The following OR2M4 variants were observed in gnomAD, a reference collection of about 807,000 sequenced individuals.
OR2M4 encodes olfactory receptor family 2 subfamily M member 4, also known as olfactory receptor 2M4.
In OR2M4, 8 loss-of-function variants were observed where a neutral mutation model predicts 13.7. The observed-to-expected ratio is 0.58, with a 90% CI of 0.34 to 1.05. The LOEUF is 1.05. Ranked by LOEUF, OR2M4 falls within the 50% of genes least tolerant of loss-of-function variation. The pLI is 0.02. For missense variants in OR2M4, 374 were observed against 381.6 expected (o/e 0.98, Z 0.17); for synonymous variants, 152 against 141.3 (o/e 1.08, Z -0.53).
At position 248,239,909 on chromosome 1, in the gene OR2M4, T is replaced by C. The variant is rs943006766; in HGVS notation, c.*45T>C. The C allele has an allele frequency of 3.4e-6, 4 of 1,170,284 alleles. No individual in the cohort carries two copies. The highest frequency in any genetic ancestry group is 4.8e-6 in the Non-Finnish European group (4 of 832,414). The allele number at this position is 1,170,284 out of a possible 1,614,324, so 72.5% of individuals were successfully genotyped here. On this transcript the variant is annotated 3_prime_UTR_variant, in exon 2 of 2. Transcript: ENST00000641868. ...AGTGCCTACTGTGGTCAACACTCAT[T>C]CAAAAAAACTGGAATCTCTTAAATT...
rs752777587 is a variant in OR2M4, at chr1:248,239,084, G to C, written c.156G>C (p.Glu52Asp). The C allele has an allele frequency of 1.9e-6, 3 of 1,614,000 alleles. No homozygotes were observed. The South Asian group carries it at 3.3e-5, about 18-fold the overall frequency. Residue 52 changes from glutamate to aspartate, a missense_variant, in exon 2 of 2, where the codon GAG (glutamate) becomes GAC (aspartate). Physicochemically the swap from Glu to Asp is conservative, Grantham distance 45. Transcript: ENST00000641868. ...CCATGGTTCTCCTCATCTACATAGAGAAACAGCTCCACACCCCCATGTACT... is the reference window on the plus strand; with the variant it reads ...CCATGGTTCTCCTCATCTACATAGACAAACAGCTCCACACCCCCATGTACT... ...NISMVLLIYI[E>D]KQLHTPMYFL...
Position 248,241,537 on chromosome 1 carries a change from A to G in OR2M4, c.*1673A>G, listed in dbSNP as rs1395510739. ...ATAATCAAATGTTTTCTAATTTAAAAATGTGCTAGCAAATTTTAAAAATTA... is the reference window on the plus strand; with the variant it reads ...ATAATCAAATGTTTTCTAATTTAAAGATGTGCTAGCAAATTTTAAAAATTA... On this transcript the variant is annotated 3_prime_UTR_variant, in exon 2 of 2. Coordinates refer to ENST00000641868, the MANE Select transcript of OR2M4 (RefSeq NM_017504.2). The G allele has an allele frequency of 6.6e-6, 1 of 152,168 alleles. No homozygotes were observed. Among genetic ancestry groups the G allele is most frequent in the Non-Finnish European group, 1.5e-5 (1 of 68,032 alleles). The allele number at this position is 152,168 out of a possible 1,614,324, so 9.4% of individuals were successfully genotyped here. A position where few individuals can be genotyped will look rare whatever the true frequency, so the allele number is the denominator to read the frequency against.
rs769641315 is a variant in OR2M4, at chr1:248,238,991, T to G, written c.63T>G (p.Ser21Arg). ...TCCTGCTGGGAATCTTCAATCACAG[T>G]CCCACCCACACCTTCCTTTTTTCTC... Reference protein sequence around the residue: ...IFILLGIFNHSPTHTFLFSLV... With the variant: ...IFILLGIFNHRPTHTFLFSLV... Residue 21 changes from serine to arginine, a missense_variant, in exon 2 of 2, where the codon AGT (serine) becomes AGG (arginine). Transcript: ENST00000641868. The G allele has an allele frequency of 6.2e-7, 1 of 1,613,696 alleles. No homozygotes were observed. Among genetic ancestry groups the G allele is most frequent in the Non-Finnish European group, 8.5e-7 (1 of 1,179,808 alleles).
rs1666625135 is a variant in OR2M4, at chr1:248,242,178, T to C, written c.*2314T>C. Reference sequence around the variant, plus strand: ...AATGAATTCAATTTTATTAATTCAATTAATTAAATTTTATAATACAAAACA... The same window carrying C: ...AATGAATTCAATTTTATTAATTCAACTAATTAAATTTTATAATACAAAACA... On this transcript the variant is annotated 3_prime_UTR_variant, in exon 2 of 2. Coordinates refer to ENST00000641868, the MANE Select transcript of OR2M4 (RefSeq NM_017504.2). 1 of 152,228 alleles carries C rather than the reference T, an allele frequency of 6.6e-6. No individual in the cohort carries two copies. The highest frequency in any genetic ancestry group is 2.4e-5 in the African/African-American group (1 of 41,450). The allele number at this position is 152,228 out of a possible 1,614,324, so 9.4% of individuals were successfully genotyped here.
rs1666634364 is a variant in OR2M4 at position 248,243,307 on chromosome 1, G to A, written c.*3443G>A. On this transcript the variant is annotated 3_prime_UTR_variant, in exon 2 of 2. Coordinates refer to ENST00000641868, the MANE Select transcript of OR2M4 (RefSeq NM_017504.2). ...AAGTTTGGGCTGTAATCCAGTAGATGGCGCCTAAGAGTAATGCCCGTAGAG... is the reference window on the plus strand; with the variant it reads ...AAGTTTGGGCTGTAATCCAGTAGATAGCGCCTAAGAGTAATGCCCGTAGAG... 6.6e-6 allele frequency: 1 copy of A among 152,100 alleles called. No homozygotes were observed. The allele number at this position is 152,100 out of a possible 1,614,324, so 9.4% of individuals were successfully genotyped here. A position where few individuals can be genotyped will look rare whatever the true frequency, so the allele number is the denominator to read the frequency against.
rs1445448082 is a variant in OR2M4 at position 248,239,073 on chromosome 1, A to G, written c.145A>G (p.Ile49Val). 1 of 1,613,884 alleles carries G rather than the reference A, an allele frequency of 6.2e-7. No individual in the cohort carries two copies. The highest frequency in any genetic ancestry group is 8.5e-7 in the Non-Finnish European group (1 of 1,179,984). Reference sequence around the variant, plus strand: ...GGAAAATATTTCCATGGTTCTCCTCATCTACATAGAGAAACAGCTCCACAC... The same window carrying G: ...GGAAAATATTTCCATGGTTCTCCTCGTCTACATAGAGAAACAGCTCCACAC... Reference protein sequence around the residue: ...LMENISMVLLIYIEKQLHTPM... With the variant: ...LMENISMVLLVYIEKQLHTPM... Residue 49 changes from isoleucine (I) to valine (V), a missense_variant, in exon 2 of 2, where the codon ATC becomes GTC. By Grantham distance (29) the Ile-to-Val change is conservative. Coordinates refer to ENST00000641868, the MANE Select transcript of OR2M4 (RefSeq NM_017504.2).
At position 248,239,081 on chromosome 1, in the gene OR2M4, A is replaced by T; in HGVS notation, c.153A>T (p.Ile51=). The T allele has an allele frequency of 6.2e-7, 1 of 1,614,040 alleles. No individual in the cohort carries two copies. Among genetic ancestry groups the T allele is most frequent in the Non-Finnish European group, 8.5e-7 (1 of 1,179,998 alleles). Reference sequence around the variant, plus strand: ...TTTCCATGGTTCTCCTCATCTACATAGAGAAACAGCTCCACACCCCCATGT... The same window carrying T: ...TTTCCATGGTTCTCCTCATCTACATTGAGAAACAGCTCCACACCCCCATGT... ...ENISMVLLIY[I]EKQLHTPMYF... The change falls in exon 2 of 2, where the codon ATA becomes ATT. Residue 51 remains isoleucine (I), a synonymous_variant. Coordinates refer to ENST00000641868, the MANE Select transcript of OR2M4 (RefSeq NM_017504.2).
chr1:248,239,935 A>T lies in OR2M4; in HGVS notation c.*71A>T. The T allele has an allele frequency of 2.2e-6, 2 of 890,650 alleles. No homozygotes were observed. The highest frequency in any genetic ancestry group is 2.7e-5 in the East Asian group (1 of 37,410). 55.2% of individuals were successfully genotyped at this position (890,650 alleles called of 1,614,324 possible). ...CAAAAAAACTGGAATCTCTTAAATT[A>T]TTCTATTTCTATTTCTGGTAATTTG... is the stretch of plus-strand genomic sequence containing the variant. On this transcript the variant is annotated 3_prime_UTR_variant, in exon 2 of 2. Coordinates refer to ENST00000641868, the MANE Select transcript of OR2M4 (RefSeq NM_017504.2).
At chr1:248,238,173 CAAAA>C (rs1221370454) in intron 1 of OR2M4, among the ~76,000 whole-genome samples, 1 of 151,966 alleles carries the variant, frequency 6.6e-6, no homozygotes, top group Non-Finnish European at 1.5e-5. Context: ...AAAATAGAAA[CAAAA>C]CAAGCAAATA....
rs1572808508 is a variant in OR2M4 at position 248,242,341 on chromosome 1, C to G, written c.*2477C>G. ...ATGGTGGGATCTTGGCTCACTGCAG[C>G]CTCCACCTCCTGGGTCCAAGTGATT... On this transcript the variant is annotated 3_prime_UTR_variant, in exon 2 of 2. Coordinates refer to ENST00000641868, the MANE Select transcript of OR2M4 (RefSeq NM_017504.2). The G allele has an allele frequency of 6.6e-6, 1 of 152,080 alleles. No individual in the cohort carries two copies. Among genetic ancestry groups the G allele is most frequent in the Non-Finnish European group, 1.5e-5 (1 of 68,032 alleles). 9.4% of individuals were successfully genotyped at this position (152,080 alleles called of 1,614,324 possible). A position where few individuals can be genotyped will look rare whatever the true frequency, so the allele number is the denominator to read the frequency against.
chr1:248,237,633 CAG>C (rs1291143118), intron 1 of OR2M4, among the ~76,000 whole-genome samples: 2 of 152,056 alleles, frequency 1.3e-5, no homozygotes, highest in Non-Finnish European at 2.9e-5. Context: ...AGCCTGACAA[CAG>C]AGCAAGACTC....
In OR2M4 at chr1:248,239,306, A is replaced by G; in HGVS notation, c.378A>G (p.Ile126Met). The G allele has an allele frequency of 6.2e-7, 1 of 1,613,916 alleles. No individual in the cohort carries two copies. ...AVMAYDRYVAICHPLQYTILM... is the reference protein window; with the variant it reads ...AVMAYDRYVAMCHPLQYTILM... Reference sequence around the variant, plus strand: ...TGGCTTATGACCGCTATGTGGCTATATGTCACCCTCTTCAGTACACCATCC... The same window carrying G: ...TGGCTTATGACCGCTATGTGGCTATGTGTCACCCTCTTCAGTACACCATCC... The change falls in exon 2 of 2, where the codon ATA (isoleucine) becomes ATG (methionine). Residue 126 changes from isoleucine to methionine, a missense_variant. Coordinates refer to ENST00000641868, the MANE Select transcript of OR2M4 (RefSeq NM_017504.2).
rs944720300 is a variant in OR2M4, at chr1:248,242,711, T to A, written c.*2847T>A. ...ACACCTTATGTGAAACAGGTAAATTTAGAACAACCAGAAAAGAAAGACTTA... is the reference window on the plus strand; with the variant it reads ...ACACCTTATGTGAAACAGGTAAATTAAGAACAACCAGAAAAGAAAGACTTA... On this transcript the variant is annotated 3_prime_UTR_variant, in exon 2 of 2. Transcript: ENST00000641868. 1.3e-5 allele frequency: 2 copies of A among 152,192 alleles called. No homozygotes were observed. The highest frequency in any genetic ancestry group is 4.8e-5 in the African/African-American group (2 of 41,436). 9.4% of individuals were successfully genotyped at this position (152,192 alleles called of 1,614,324 possible).
chr1:248,239,598 G>A lies in OR2M4; in HGVS notation c.670G>A (p.Ala224Thr), dbSNP rs1337401113. ...IILSYSHVLRAVIHMGSGESR... is the reference protein window; with the variant it reads ...IILSYSHVLRTVIHMGSGESR... ...ACTTTCCTATTCCCATGTCCTTCGA[G>A]CCGTCATCCACATGGGCTCTGGGGA... Residue 224 changes from alanine to threonine, a missense_variant, in exon 2 of 2, where the codon GCC becomes ACC. Physicochemically the swap from Ala to Thr is moderately conservative, Grantham distance 58. Transcript: ENST00000641868. 1 of 1,614,010 alleles carries A rather than the reference G, an allele frequency of 6.2e-7. No individual in the cohort carries two copies. Among genetic ancestry groups the A allele is most frequent in the East Asian group, 2.2e-5 (1 of 44,864 alleles).
rs1451859527 is a variant in OR2M4 at position 248,244,629 on chromosome 1, C to T, written c.*4765C>T. 1 of 152,100 alleles carries T rather than the reference C, an allele frequency of 6.6e-6. No individual in the cohort carries two copies. 9.4% of individuals were successfully genotyped at this position (152,100 alleles called of 1,614,324 possible). A position where few individuals can be genotyped will look rare whatever the true frequency, so the allele number is the denominator to read the frequency against. On this transcript the variant is annotated 3_prime_UTR_variant, in exon 2 of 2. Coordinates refer to ENST00000641868, the MANE Select transcript of OR2M4 (RefSeq NM_017504.2). ...GGGTGATGGGATCTATACCCTAAAC[C>T]TCAGCGTGATGAAATATACACATGT...
rs200701555 is a variant in OR2M4 at position 248,239,642 on chromosome 1, C to T, written c.714C>T (p.Phe238=). 3 of 1,614,006 alleles carry T rather than the reference C, an allele frequency of 1.9e-6. No homozygotes were observed. Among genetic ancestry groups the T allele is most frequent in the East Asian group, 2.2e-5 (1 of 44,892 alleles). ...CTGGGGAAAGTCGTCGCAAGGCCTT[C>T]ACTACCTGCTCCTCCCACCTGTCTG... ...MGSGESRRKA[F]TTCSSHLSVV... Residue 238 remains phenylalanine, a synonymous_variant, in exon 2 of 2, where the codon TTC becomes TTT. Transcript: ENST00000641868.
Position 248,238,964 on chromosome 1 carries a change from C to T in OR2M4, c.36C>T (p.Phe12=). The T allele has an allele frequency of 6.2e-7, 1 of 1,609,212 alleles. No homozygotes were observed. Among genetic ancestry groups the T allele is most frequent in the Non-Finnish European group, 8.5e-7 (1 of 1,177,880 alleles). The change falls in exon 2 of 2, where the codon TTC becomes TTT. Residue 12 remains phenylalanine (F), a synonymous_variant. Coordinates refer to ENST00000641868, the MANE Select transcript of OR2M4 (RefSeq NM_017504.2). The part of the protein sequence containing the change: ...VWENQTFNSI[F]ILLGIFNHSP... Reference sequence around the variant, plus strand: ...AAAACCAGACCTTCAACTCCATCTTCATCCTGCTGGGAATCTTCAATCACA... The same window carrying T: ...AAAACCAGACCTTCAACTCCATCTTTATCCTGCTGGGAATCTTCAATCACA...
In OR2M4 at chr1:248,239,117, C is replaced by T. The variant is rs1331840680; in HGVS notation, c.189C>T (p.Leu63=). The change falls in exon 2 of 2, where the codon CTC becomes CTT. Residue 63 remains leucine, a synonymous_variant. Coordinates refer to ENST00000641868, the MANE Select transcript of OR2M4 (RefSeq NM_017504.2). ...KQLHTPMYFL[L]SQLSLMDLML... is the part of the protein sequence containing the mutation. The stretch of plus-strand genomic sequence containing the variant: ...TCCACACCCCCATGTACTTCCTCCT[C>T]AGTCAACTGTCCCTTATGGACCTCA... The T allele has an allele frequency of 6.2e-7, 1 of 1,613,864 alleles. No individual in the cohort carries two copies. Among genetic ancestry groups the T allele is most frequent in the African/African-American group, 1.3e-5 (1 of 74,884 alleles).
intron 1 of OR2M4, among the ~76,000 whole-genome samples, chr1:248,235,879 G>C (rs1666551807): frequency 6.6e-6 from 1 of 152,038 alleles, no homozygotes; most frequent in Non-Finnish European, 1.5e-5. Flanking sequence ...GAAGTTGCTT[G>C]TCAGCTTAAA....
Sources: gnomAD v4.1 joint callset for allele counts (sites outside exome capture counted in the v4.1 genomes callset) on GRCh38, gnomAD v4.1.1 for gene constraint, MANE v1.5 for transcripts, NCBI Gene and HGNC (gene_info 2026-07-23, HGNC 2026-07-21) for gene names.